Variants in ATP13A2 observed in about 807,000 individuals in gnomAD.
The protein encoded by ATP13A2 is ATPase cation transporting 13A2.
A neutral mutation model predicts 138.3 loss-of-function variants in ATP13A2; 83 were observed. That is an observed-to-expected ratio of 0.60 (90% CI 0.50 to 0.72). ATP13A2 has a LOEUF of 0.72. ATP13A2 is among the 30% of genes least tolerant of loss of function. ATP13A2 has a pLI of 0.00. For missense variants in ATP13A2, 1,402 were observed against 1,606.4 expected (o/e 0.87, Z 2.17); for synonymous variants, 663 against 699.0 (o/e 0.95, Z 0.81).
chr1:17,007,531 AG>A, intron 1 of ATP13A2, among the ~76,000 whole-genome samples: 1 of 142,466 alleles, frequency 7.0e-6, no homozygotes, highest in South Asian at 2.3e-4. Context: ...CCCCAATCTG[AG>A]CCCTTCTAAA....
chr1:17,006,471 G>A (rs568287835), intron 1 of ATP13A2, among the ~76,000 whole-genome samples: 9 of 152,036 alleles, frequency 5.9e-5, no homozygotes, highest in Admixed American at 1.3e-4. Flanking sequence ...GGCTGGTCTC[G>A]AACTCCTGAC....
At chr1:16,991,668 C>T in intron 20 of ATP13A2, 66 bp downstream of exon 20, 4 of 1,612,508 alleles carry the variant, frequency 2.5e-6, no homozygotes, top group Non-Finnish European at 3.4e-6. Context: ...TCCCTGGTGC[C>T]CCTCTTCTCT....
chr1:16,993,728 G>T lies in ATP13A2; in HGVS notation c.1650C>A (p.Pro550=). The part of the protein sequence containing the change: ...VPEPRRLPVG[P]LLRALATCHA... ...GGCAGGTGGCCAGTGCTCGGAGCAGGGGCCCCACAGGCAGGCGGCGAGGCT... is the reference window on the plus strand; with the variant it reads ...GGCAGGTGGCCAGTGCTCGGAGCAGTGGCCCCACAGGCAGGCGGCGAGGCT... Residue 550 remains proline (P), a synonymous_variant, in exon 16 of 29, where the codon CCC becomes CCA. Transcript: ENST00000326735. The T allele has an allele frequency of 1.3e-6, 2 of 1,593,828 alleles. No individual in the cohort carries two copies. Among genetic ancestry groups the T allele is most frequent in the Non-Finnish European group, 1.7e-6 (2 of 1,170,902 alleles).
Position 16,992,114 on chromosome 1 carries a change from G to C in ATP13A2, c.2021C>G (p.Ala674Gly). 1.2e-6 allele frequency: 2 copies of C among 1,613,360 alleles called. No homozygotes were observed. The highest frequency in any genetic ancestry group is 1.3e-5 in the African/African-American group (1 of 75,060). The change falls in exon 19 of 29, where the codon GCC (alanine) becomes GGC (glycine). Residue 674 changes from alanine to glycine, a missense_variant. By Grantham distance (60) the Ala-to-Gly change is moderately conservative. Transcript: ENST00000326735. ...AGCTGTATAGCTCTGCAGCATCTGG[G>C]CGAAGTCGGTGGGCACTGCCAGGGA... The part of the protein sequence containing the change: ...CNPETVPTDF[A>G]QMLQSYTAAG...
intron 1 of ATP13A2, among the ~76,000 whole-genome samples, chr1:17,010,811 T>G (rs1436448327): frequency 6.6e-6 from 1 of 152,100 alleles, no homozygotes; most frequent in African/African-American, 2.4e-5. Flanking sequence ...GACCTCTTAT[T>G]TCCTGCGGAA....
In ATP13A2 at chr1:17,011,638, G is replaced by C. The variant is rs560989748; in HGVS notation, c.10+91C>G. The C allele has an allele frequency of 2.5e-5, 35 of 1,392,956 alleles. No individual in the cohort carries two copies. The South Asian group carries it at 4.7e-4, about 19-fold the overall frequency. 86.3% of individuals were successfully genotyped at this position (1,392,956 alleles called of 1,614,324 possible). The stretch of plus-strand genomic sequence containing the variant: ...TGGGCTCGCGACCCCGCGGTGGGGG[G>C]CGTCGCCTCCCCTCTCCCTCCAAGG... On this transcript the variant is annotated intron_variant, in intron 1 of 28. Transcript: ENST00000326735. The surrounding 1 kb of genome is among the most constrained non-coding windows in gnomAD (Gnocchi z 7.3).
At position 16,987,135 on chromosome 1, in the gene ATP13A2, G is replaced by A. The variant is rs369590596; in HGVS notation, c.2994C>T (p.Ser998=). The A allele has an allele frequency of 1.3e-5, 21 of 1,612,906 alleles. No homozygotes were observed. The highest frequency in any genetic ancestry group is 1.7e-4 in the Middle Eastern group (1 of 5,996). Residue 998 remains serine (S), a synonymous_variant, in exon 26 of 29, where the codon AGC becomes AGT. Transcript: ENST00000326735. ...GCAGCAGGCTGCTGAGCACGGGCAC[G>A]CTGAGCAGCGCCCCCGGTGGCCGCA... ...GRVRPPGALL[S]VPVLSSLLLQ...
At chr1:16,994,610 C>G (rs1049265467) in intron 15 of ATP13A2, among the ~76,000 whole-genome samples, 1 of 152,144 alleles carries the variant, frequency 6.6e-6, no homozygotes, top group Non-Finnish European at 1.5e-5. Context: ...AAGTACGCGT[C>G]TGGCTCCTTG....
At chr1:16,999,272 T>G (rs2077254200) in intron 11 of ATP13A2, among the ~76,000 whole-genome samples, 1 of 149,012 alleles carries the variant, frequency 6.7e-6, no homozygotes, top group Non-Finnish European at 1.5e-5. Flanking sequence ...CCCAGGTACT[T>G]GGGTGGCTAA....
rs1446973142 is a variant in ATP13A2 at position 17,011,670 on chromosome 1, G to A, written c.10+59C>T. ...CTCCCCTCTCCCTCCAAGGGGTGACGACAACTGGCGGGCCGGGGACCGCGC... is the reference window on the plus strand; with the variant it reads ...CTCCCCTCTCCCTCCAAGGGGTGACAACAACTGGCGGGCCGGGGACCGCGC... On this transcript the variant is annotated intron_variant, in intron 1 of 28. Transcript: ENST00000326735. This position sits in a 1 kb window ranked among gnomAD's most constrained non-coding sequence, Gnocchi z 7.3. 7 of 1,475,290 alleles carry A rather than the reference G, an allele frequency of 4.7e-6. No homozygotes were observed. Among genetic ancestry groups the A allele is most frequent in the East Asian group, 2.9e-5 (1 of 34,788 alleles). 91.4% of individuals were successfully genotyped at this position (1,475,290 alleles called of 1,614,324 possible). A position where few individuals can be genotyped will look rare whatever the true frequency, so the allele number is the denominator to read the frequency against.
chr1:16,986,788 C>A lies in ATP13A2; in HGVS notation c.3235+17G>T, dbSNP rs56146840. On this transcript the variant is annotated intron_variant, in intron 27 of 28. Coordinates refer to ENST00000326735, the MANE Select transcript of ATP13A2 (RefSeq NM_022089.4). The surrounding 1 kb of genome is among the most constrained non-coding windows in gnomAD (Gnocchi z 6.9). ...CCTCCCTCCGCCAGCATCTCCCGCC[C>A]GCGCCCGCAGTGGCACCATTGGTGT... is the stretch of plus-strand genomic sequence containing the variant. 2.5e-6 allele frequency: 4 copies of A among 1,609,802 alleles called. No individual in the cohort carries two copies. The highest frequency in any genetic ancestry group is 3.4e-5 in the Admixed American group (2 of 59,620).
chr1:16,992,210 C>T (rs368116145), intron 18 of ATP13A2, 33 bp downstream of exon 18: 2 of 1,611,614 alleles, frequency 1.2e-6, no homozygotes, highest in African/African-American at 1.3e-5. Context: ...TGCCAATGCC[C>T]AACCAGGGGG....
At position 17,004,773 on chromosome 1, in the gene ATP13A2, C is replaced by T. The variant is rs140631323; in HGVS notation, c.396G>A (p.Ala132=). 1.0e-4 allele frequency: 168 copies of T among 1,614,022 alleles called. No homozygotes were observed. Among genetic ancestry groups the T allele is most frequent in the Middle Eastern group, 8.2e-4 (5 of 6,062 alleles). The change falls in exon 5 of 29, where the codon GCG becomes GCA. Residue 132 remains alanine (A), a synonymous_variant. Coordinates refer to ENST00000326735, the MANE Select transcript of ATP13A2 (RefSeq NM_022089.4). The surrounding 1 kb of genome is among the most constrained non-coding windows in gnomAD (Gnocchi z 4.1). Reference sequence around the variant, plus strand: ...CACCCTCTGGTACCGCCCCAACTGCCGCCTGGCTCCGGCCATCCTCTGCCT... The same window carrying T: ...CACCCTCTGGTACCGCCCCAACTGCTGCCTGGCTCCGGCCATCCTCTGCCT... The part of the protein sequence containing the change: ...QSQAEDGRSQ[A]AVGAVPEGAW...
rs576096315 is a variant in ATP13A2, at chr1:17,005,470, G to A, written c.192C>T (p.Leu64=). ...CCCCCCACAGGGGCTTCCAACGGAA[G>A]AGCAGCAAAGGGATCCCAGCCATCA... ...VWMMAGIPLL[L]FRWKPLWGVR... is the part of the protein sequence containing the mutation. Residue 64 remains leucine, a synonymous_variant, in exon 3 of 29, where the codon CTC becomes CTT. Coordinates refer to ENST00000326735, the MANE Select transcript of ATP13A2 (RefSeq NM_022089.4). 5.9e-5 allele frequency: 95 copies of A among 1,614,268 alleles called. No individual in the cohort carries two copies. The South Asian group carries it at 9.3e-4, about 16-fold the overall frequency.
rs1310454082 is a variant in ATP13A2, at chr1:17,004,364, C to A, written c.525G>T (p.Trp175Cys). The change falls in exon 6 of 29, where the codon TGG becomes TGT. Residue 175 changes from tryptophan to cysteine, a missense_variant. Transcript: ENST00000326735. The surrounding 1 kb of genome is among the most constrained non-coding windows in gnomAD (Gnocchi z 4.1). ...YYLFQGQRYI[W>C]IETQQAFYQV... ...GGTAGAAGGCTTGCTGGGTCTCGAT[C>A]CAGATATAGCGCTGGCCCTGGAAGA... 6.2e-7 allele frequency: 1 copy of A among 1,613,890 alleles called. No homozygotes were observed. The highest frequency in any genetic ancestry group is 8.5e-7 in the Non-Finnish European group (1 of 1,180,002).
At chr1:16,993,148 C>T (rs2076994390) in intron 16 of ATP13A2, among the ~76,000 whole-genome samples, 1 of 152,120 alleles carries the variant, frequency 6.6e-6, no homozygotes. Flanking sequence ...AACTTCCGAC[C>T]TCAGGTGATC....
Position 16,988,207 on chromosome 1 carries a change from C to A in ATP13A2, c.2790G>T (p.Ser930=), listed in dbSNP as rs3738815. 5 of 1,613,990 alleles carry A rather than the reference C, an allele frequency of 3.1e-6. No individual in the cohort carries two copies. In the South Asian group the frequency reaches 5.5e-5, roughly 18 times the overall value. The change falls in exon 25 of 29, where the codon TCG becomes TCT. Residue 930 remains serine (S), a synonymous_variant. Coordinates refer to ENST00000326735, the MANE Select transcript of ATP13A2 (RefSeq NM_022089.4). ...IREGRCSLDT[S]FSVFKYMALY... ...GAGCCATGTACTTGAAGACGCTGAA[C>A]GAAGTGTCAAGGGAACAGCGCCCCT...
chr1:16,999,199 G>A lies in ATP13A2; in HGVS notation c.1039+812C>T, dbSNP rs1354004298. 2.0e-5 allele frequency among the ~76,000 whole-genome samples: 3 copies of A among 151,646 alleles called. No homozygotes were observed. The East Asian group carries it at 5.8e-4, about 30-fold the overall frequency. On this transcript the variant is annotated intron_variant, in intron 11 of 28. Transcript: ENST00000326735. Reference sequence around the variant, plus strand: ...AGTTCAAGACCAGTCTGACCAACGTGGTGAAACCCCATCTCAACTAAAAAT... The same window carrying A: ...AGTTCAAGACCAGTCTGACCAACGTAGTGAAACCCCATCTCAACTAAAAAT...
chr1:16,994,201 T>C (rs1456883994), intron 15 of ATP13A2, among the ~76,000 whole-genome samples: 22 of 113,374 alleles, frequency 1.9e-4, no homozygotes, highest in South Asian at 5.8e-4. Context: ...CTCTCTCATT[T>C]ATTTATTTAT....
Sources: allele counts gnomAD v4.1 joint callset (sites outside exome capture counted in the v4.1 genomes callset), GRCh38; gene constraint gnomAD v4.1.1; non-coding constraint Gnocchi (gnomAD v3.1); transcripts MANE v1.5; gene names NCBI Gene and HGNC (gene_info 2026-07-23, HGNC 2026-07-21).